The following PCM1 variants were observed in gnomAD, a reference collection of about 807,000 sequenced individuals.
The protein encoded by PCM1 is pericentriolar material 1 protein.
A neutral mutation model predicts 241.9 loss-of-function variants in PCM1; 157 were observed. The observed-to-expected ratio is 0.65, with a 90% confidence interval of 0.57 to 0.74. The LOEUF is 0.74. Ranked by LOEUF, PCM1 falls within the 30% of genes least tolerant of loss-of-function variation. The probability of loss-of-function intolerance (pLI) is 0.00; values close to 1 mark genes in which losing one functional copy is unlikely to be tolerated. For missense variants in PCM1, 3,478 were observed against 2,360.1 expected (o/e 1.47, Z -9.81); for synonymous variants, 1,085 against 784.9 (o/e 1.38, Z -6.39).
intron 8 of PCM1, among the ~76,000 whole-genome samples, chr8:17,952,769 A>C (rs556657641): frequency 4.6e-5 from 7 of 152,226 alleles, no homozygotes; most frequent in African/African-American, 1.7e-4. Context: ...ATGGATACTG[A>C]GGGATGACTT....
At position 18,013,956 on chromosome 8, in the gene PCM1, C is replaced by T. The variant is rs754793715; in HGVS notation, c.5512-8C>T. 6.4e-7 allele frequency: 1 copy of T among 1,572,784 alleles called. No individual in the cohort carries two copies. The highest frequency in any genetic ancestry group is 1.4e-5 in the African/African-American group (1 of 73,282). ...AGGCCCTGCTATTAAAACATTTTTCCCTTCTAGGTCCTACAACGTGACTTT... is the reference window on the plus strand; with the variant it reads ...AGGCCCTGCTATTAAAACATTTTTCTCTTCTAGGTCCTACAACGTGACTTT... On this transcript the variant is annotated splice_polypyrimidine_tract_variant and splice_region_variant and intron_variant, in intron 34 of 38. Transcript: ENST00000325083.
rs375635119 is a variant in PCM1, at chr8:17,985,650, C to G, written c.4281+31C>G. ...TGGTACCTAACATAATTTTTCCTACCCTATTATCACCTTCTTCATGATTAT... is the reference window on the plus strand; with the variant it reads ...TGGTACCTAACATAATTTTTCCTACGCTATTATCACCTTCTTCATGATTAT... On this transcript the variant is annotated intron_variant, in intron 25 of 38. Transcript: ENST00000325083. 68 of 1,484,022 alleles carry G rather than the reference C, an allele frequency of 4.6e-5. No individual in the cohort carries two copies. In the African/African-American group the frequency reaches 8.8e-4, roughly 19 times the overall value. 91.9% of individuals were successfully genotyped at this position (1,484,022 alleles called of 1,614,324 possible).
chr8:17,980,738 C>T lies in PCM1; in HGVS notation c.4091C>T (p.Ser1364Phe), dbSNP rs774435092. The T allele has an allele frequency of 2.5e-6, 4 of 1,608,394 alleles. No individual in the cohort carries two copies. Among genetic ancestry groups the T allele is most frequent in the South Asian group, 1.1e-5 (1 of 90,818 alleles). The change falls in exon 24 of 39, where the codon TCT becomes TTT. Residue 1364 changes from serine (S) to phenylalanine (F), a missense_variant. Ser to Phe is a radical substitution (Grantham distance 155). Transcript: ENST00000325083. ...GAAAAAATAATAAAATGTAATAGGTCTACAGAAATATCTTCAGGTATGTTC... is the reference window on the plus strand; with the variant it reads ...GAAAAAATAATAAAATGTAATAGGTTTACAGAAATATCTTCAGGTATGTTC... ...QLEKIIKCNR[S>F]TEISSETGSD... is the part of the protein sequence containing the mutation.
At chr8:17,935,940 C>T (rs1307551329) in intron 3 of PCM1, among the ~76,000 whole-genome samples, 3 of 152,002 alleles carry the variant, frequency 2.0e-5, no homozygotes, top group Admixed American at 6.6e-5. Context: ...TTATGGAAAC[C>T]ATGTTTAAGA....
At chr8:17,949,609 C>T (rs1185451395) in intron 7 of PCM1, among the ~76,000 whole-genome samples, 1 of 151,588 alleles carries the variant, frequency 6.6e-6, no homozygotes, top group Non-Finnish European at 1.5e-5. Context: ...GTGATTCTCT[C>T]ACCCCAGCCT....
chr8:17,969,022 C>T (rs936791124), intron 21 of PCM1, among the ~76,000 whole-genome samples: 1 of 152,072 alleles, frequency 6.6e-6, no homozygotes, highest in Non-Finnish European at 1.5e-5. Flanking sequence ...TTCCCAGTCT[C>T]TTTCCCCACA....
At chr8:17,991,009 T>C (rs2084418960) in intron 27 of PCM1, among the ~76,000 whole-genome samples, 2 of 152,028 alleles carry the variant, frequency 1.3e-5, no homozygotes, top group South Asian at 2.1e-4. Flanking sequence ...GTTGCCAGAA[T>C]ACTTCGACTC....
intron 13 of PCM1, among the ~76,000 whole-genome samples, chr8:17,959,029 C>G (rs534507194): frequency 6.6e-6 from 1 of 152,096 alleles, no homozygotes; most frequent in Non-Finnish European, 1.5e-5. Context: ...CTAATAAACT[C>G]TGTCTTTACC....
chr8:17,995,741 A>G (rs1039300612), intron 29 of PCM1, among the ~76,000 whole-genome samples: 2 of 146,026 alleles, frequency 1.4e-5, no homozygotes, highest in Non-Finnish European at 2.9e-5. Context: ...AATTTCTTTC[A>G]TCAGTGTTTT....
At chr8:17,983,257 A>C (rs1184070141) in intron 24 of PCM1, 1 of 1,324,766 alleles carries the variant, frequency 7.5e-7, no homozygotes, top group South Asian at 1.2e-5. Context: ...ATACTACAGC[A>C]GTCTAACAGA....
intron 26 of PCM1, among the ~76,000 whole-genome samples, chr8:17,987,131 C>T (rs1443428300): frequency 6.6e-6 from 1 of 151,770 alleles, no homozygotes; most frequent in East Asian, 1.9e-4. Flanking sequence ...CTAAAAACTA[C>T]ATGGTTTTAA....
intron 22 of PCM1, among the ~76,000 whole-genome samples, chr8:17,970,221 G>C (rs543585420): frequency 6.6e-6 from 1 of 152,132 alleles, no homozygotes; most frequent in South Asian, 2.1e-4. Flanking sequence ...ATGATATTTA[G>C]GATTTCTTCT....
chr8:17,998,523 C>T (rs572233312), intron 29 of PCM1, among the ~76,000 whole-genome samples: 207 of 152,268 alleles, frequency 1.4e-3, no homozygotes, highest in African/African-American at 4.7e-3. Flanking sequence ...AATGGAATCT[C>T]TGTGTTGAAA....
intron 6 of PCM1, among the ~76,000 whole-genome samples, chr8:17,942,947 A>T (rs1276539205): frequency 6.6e-6 from 1 of 151,422 alleles, no homozygotes; most frequent in Non-Finnish European, 1.5e-5. Flanking sequence ...CAGCGAGCCG[A>T]GATCCTGCCA....
rs2069683660 is a variant in PCM1, at chr8:17,966,149, A to C, written c.3006A>C (p.Gln1002His). 1 of 1,613,884 alleles carries C rather than the reference A, an allele frequency of 6.2e-7. No individual in the cohort carries two copies. Among genetic ancestry groups the C allele is most frequent in the South Asian group, 1.1e-5 (1 of 91,092 alleles). ...YVEEKEQWQE[Q>H]INQLKKQLDF... is the part of the protein sequence containing the mutation. ...AAGAGAAAGAACAATGGCAAGAACA[A>C]ATCAATCAGCTAAAGAAACAGCTTG... The change falls in exon 19 of 39, where the codon CAA (glutamine) becomes CAC (histidine). Residue 1002 changes from glutamine (Q) to histidine (H), a missense_variant. Physicochemically the swap from Gln to His is conservative, Grantham distance 24 (BLOSUM62 0). Coordinates refer to ENST00000325083, the MANE Select transcript of PCM1 (RefSeq NM_006197.4).
chr8:18,024,337 A>T (rs530172225), intron 36 of PCM1, among the ~76,000 whole-genome samples: 56 of 152,284 alleles, frequency 3.7e-4, no homozygotes, highest in African/African-American at 1.2e-3. Context: ...GCTGCATTCC[A>T]GTCTGGGCAA....
At chr8:17,952,598 A>C (rs552773841) in intron 8 of PCM1, among the ~76,000 whole-genome samples, 2 of 152,316 alleles carry the variant, frequency 1.3e-5, no homozygotes, top group Non-Finnish European at 2.9e-5. Flanking sequence ...AGCTATTTAC[A>C]TAGTGTTTAT....
At position 17,955,605 on chromosome 8, in the gene PCM1, A is replaced by G; in HGVS notation, c.1424A>G (p.Gln475Arg). The G allele has an allele frequency of 6.2e-7, 1 of 1,613,794 alleles. No individual in the cohort carries two copies. Among genetic ancestry groups the G allele is most frequent in the Non-Finnish European group, 8.5e-7 (1 of 1,179,708 alleles). ...TATCCTACTGCTTCTCTAGTATCTC[A>G]GAATGAGAGTGAAAACGAAGGCCAC... ...VPYPTASLVS[Q>R]NESENEGHLN... Residue 475 changes from glutamine to arginine, a missense_variant, in exon 10 of 39, where the codon CAG becomes CGG. Coordinates refer to ENST00000325083, the MANE Select transcript of PCM1 (RefSeq NM_006197.4).
intron 36 of PCM1, 81 bp downstream of exon 36, chr8:18,014,921 C>A: frequency 8.3e-7 from 1 of 1,210,996 alleles, no homozygotes; most frequent in Non-Finnish European, 1.1e-6. Context: ...GCATTCTCCA[C>A]ATGTAAACCA....
Sources: allele counts gnomAD v4.1 joint callset (sites outside exome capture counted in the v4.1 genomes callset), GRCh38; gene constraint gnomAD v4.1.1; transcripts MANE v1.5; gene names NCBI Gene and HGNC (gene_info 2026-07-23, HGNC 2026-07-21).